The following TBC1D16 variants were observed in gnomAD, a reference collection of about 807,000 sequenced individuals.
TBC1D16 encodes the protein TBC1 domain family member 16.
A neutral mutation model predicts 74.7 loss-of-function variants in TBC1D16; 58 were observed. That is an observed-to-expected ratio of 0.78 (90% CI 0.63 to 0.97). The LOEUF (loss-of-function observed/expected upper bound fraction) is 0.97, where lower values mean the gene tolerates loss of function less well. TBC1D16 is among the 50% of genes least tolerant of loss of function. The pLI is 0.00. For missense variants in TBC1D16, 1,014 were observed against 1,079.5 expected, an observed-to-expected ratio of 0.94 and a Z score of 0.85; for synonymous variants, 493 against 474.7, an observed-to-expected ratio of 1.04 and a Z score of -0.50.
chr17:80,014,226 G>A (rs772972403), intron 1 of TBC1D16, among the ~76,000 whole-genome samples: 66 of 152,040 alleles, frequency 4.3e-4, no homozygotes, highest in African/African-American at 1.5e-3. Flanking sequence ...GTGCGGTGGC[G>A]GGCGCCTACA....
At position 79,961,691 on chromosome 17, in the gene TBC1D16, G is replaced by GT. The variant is rs2033621259; in HGVS notation, c.780-8874dup. Among the ~76,000 whole-genome samples the GT allele has an allele frequency of 6.6e-6, 1 of 152,022 alleles. No individual in the cohort carries two copies. Among genetic ancestry groups the GT allele is most frequent in the African/African-American group, 2.4e-5 (1 of 41,402 alleles). On this transcript the variant is annotated intron_variant, in intron 3 of 11. Coordinates refer to ENST00000310924, the MANE Select transcript of TBC1D16 (RefSeq NM_019020.4). This position sits in a 1 kb window ranked among gnomAD's most constrained non-coding sequence, Gnocchi z 4.8. ...AGTGTGACCAACATGGTGAAACACT[G>GT]TATCTACCAAAAATACAAAAAATCA...
rs1181583123 is a variant in TBC1D16, at chr17:79,994,138, G to C, written c.779+16022C>G. 6.6e-6 allele frequency among the ~76,000 whole-genome samples: 1 copy of C among 152,034 alleles called. No homozygotes were observed. The highest frequency in any genetic ancestry group is 2.4e-5 in the African/African-American group (1 of 41,382). On this transcript the variant is annotated intron_variant, in intron 3 of 11. Transcript: ENST00000310924. The surrounding 1 kb of genome is among the most constrained non-coding windows in gnomAD (Gnocchi z 4.6). ...TTACTAGAAAGGTCAGCTTTTTAAA[G>C]AGCTGTCAGTCCTTCGGAAGACAGT...
At chr17:79,960,798 A>C (rs978386428) in intron 3 of TBC1D16, among the ~76,000 whole-genome samples, 17 of 148,746 alleles carry the variant, frequency 1.1e-4, no homozygotes, top group African/African-American at 3.7e-4. Context: ...AAAAAAAAAA[A>C]AAAAAAAAAA....
rs8072294 is a variant in TBC1D16 at position 80,000,455 on chromosome 17, T to C, written c.779+9705A>G. Among the ~76,000 whole-genome samples the C allele has an allele frequency of 0.35, 53,523 of 152,022 alleles. 9,862 individuals carry two copies. Among genetic ancestry groups the C allele is most frequent in the African/African-American group, 0.43 (17,983 of 41,462 alleles). On this transcript the variant is annotated intron_variant, in intron 3 of 11. Coordinates refer to ENST00000310924, the MANE Select transcript of TBC1D16 (RefSeq NM_019020.4). The surrounding 1 kb of genome is among the most constrained non-coding windows in gnomAD (Gnocchi z 4.1). The stretch of plus-strand genomic sequence containing the variant: ...CAAGCCAAGGAATGCCTGCAGCCAC[T>C]CAAACCGGAAGAGACCAGGAAGGAC...
chr17:80,005,190 C>T (rs974031857), intron 3 of TBC1D16, among the ~76,000 whole-genome samples: 4 of 152,252 alleles, frequency 2.6e-5, no homozygotes, highest in Admixed American at 6.5e-5. Context: ...AGCAGTCCTC[C>T]TGCCTCAGCC....
Position 79,950,380 on chromosome 17 carries a change from G to T in TBC1D16, c.1257+31C>A. 1 of 1,567,610 alleles carries T rather than the reference G, an allele frequency of 6.4e-7. No homozygotes were observed. The stretch of plus-strand genomic sequence containing the variant: ...GTTCCCGGTTCCCGGCCGGCTCTCC[G>T]CGGGGCCAGCTGGGCGGACCCGGAC... On this transcript the variant is annotated intron_variant, in intron 6 of 11. Coordinates refer to ENST00000310924, the MANE Select transcript of TBC1D16 (RefSeq NM_019020.4). This position sits in a 1 kb window ranked among gnomAD's most constrained non-coding sequence, Gnocchi z 4.6.
chr17:79,951,197 A>C (rs1225961568), intron 5 of TBC1D16, among the ~76,000 whole-genome samples: 1 of 152,222 alleles, frequency 6.6e-6, no homozygotes, highest in Non-Finnish European at 1.5e-5. Context: ...TTGTACGTAG[A>C]TTGAGCAAAA....
Position 79,950,069 on chromosome 17 carries a change from C to G in TBC1D16, c.1258-204G>C, listed in dbSNP as rs1212646187. Among the ~76,000 whole-genome samples, 1 of 152,222 alleles carries G rather than the reference C, an allele frequency of 6.6e-6. No homozygotes were observed. Among genetic ancestry groups the G allele is most frequent in the Non-Finnish European group, 1.5e-5 (1 of 68,032 alleles). On this transcript the variant is annotated intron_variant, in intron 6 of 11. Coordinates refer to ENST00000310924, the MANE Select transcript of TBC1D16 (RefSeq NM_019020.4). This position sits in a 1 kb window ranked among gnomAD's most constrained non-coding sequence, Gnocchi z 4.6. ...GGCTCATTTCAATGTCAATGCCCCC[C>G]CTGGGGTGGCGCTCAGATTAACGTG...
At chr17:79,984,619 GTGAAGGAAGGAA>G (rs1459942734) in intron 3 of TBC1D16, among the ~76,000 whole-genome samples, 7 of 102,528 alleles carry the variant, frequency 6.8e-5, no homozygotes, top group South Asian at 3.4e-4. Context: ...GAGGGAGGGA[GTGAAGGAAGGAA>G]GGAAGGAAGG....
Position 79,985,236 on chromosome 17 carries a change from G to A in TBC1D16, c.779+24924C>T, listed in dbSNP as rs879227116. On this transcript the variant is annotated intron_variant, in intron 3 of 11. Transcript: ENST00000310924. The surrounding 1 kb of genome is among the most constrained non-coding windows in gnomAD (Gnocchi z 4.9). ...CTGCCCCTCCTGTGTCTGTGTGTCC[G>A]TCCGTGTCTTTTAAAGACATCCGTT... is the stretch of plus-strand genomic sequence containing the variant. Among the ~76,000 whole-genome samples the A allele has an allele frequency of 2.0e-5, 3 of 151,988 alleles. No individual in the cohort carries two copies. The highest frequency in any genetic ancestry group is 4.8e-5 in the African/African-American group (2 of 41,366).
chr17:79,963,317 CA>C (rs2033703673), intron 3 of TBC1D16, among the ~76,000 whole-genome samples: 1 of 152,100 alleles, frequency 6.6e-6, no homozygotes, highest in African/African-American at 2.4e-5. Context: ...CTACTCCTAG[CA>C]CCTAATCTCA....
chr17:80,015,153 G>C (rs2036041083), intron 1 of TBC1D16, among the ~76,000 whole-genome samples: 1 of 152,178 alleles, frequency 6.6e-6, no homozygotes, highest in Non-Finnish European at 1.5e-5. Flanking sequence ...GGCACAGCTG[G>C]GCACAATGAC....
intron 3 of TBC1D16, among the ~76,000 whole-genome samples, chr17:79,982,400 T>A (rs1488740060): frequency 6.6e-6 from 1 of 151,108 alleles, no homozygotes; most frequent in Non-Finnish European, 1.5e-5. Context: ...CACCTCAGCC[T>A]CCCAAAGTAG....
chr17:79,948,687 C>T (rs2032770639), intron 8 of TBC1D16, among the ~76,000 whole-genome samples, 185 bp downstream of exon 8: 1 of 152,134 alleles, frequency 6.6e-6, no homozygotes, highest in Non-Finnish European at 1.5e-5. Context: ...CCTGGGATGC[C>T]ATGGCTCTGA....
At position 79,936,677 on chromosome 17, in the gene TBC1D16, A is replaced by T. The variant is rs2031609903; in HGVS notation, c.*4182T>A. 1 of 152,220 alleles carries T rather than the reference A, an allele frequency of 6.6e-6. No homozygotes were observed. Among genetic ancestry groups the T allele is most frequent in the Non-Finnish European group, 1.5e-5 (1 of 68,162 alleles). 9.4% of individuals were successfully genotyped at this position (152,220 alleles called of 1,614,324 possible). On this transcript the variant is annotated 3_prime_UTR_variant, in exon 12 of 12. Transcript: ENST00000310924. ...AACCTTCGGGGGAAATTAGCTTTCT[A>T]GTTTGGGGGCGGTTCCCTCTGACTG...
chr17:79,984,560 A>AAGAAAGAAAGAG (rs141654166), intron 3 of TBC1D16, among the ~76,000 whole-genome samples: 1 of 132,582 alleles, frequency 7.5e-6, no homozygotes, highest in Non-Finnish European at 1.7e-5. Context: ...AAAAGAAAGA[A>AAGAAAGAAAGAG]AGAGAGAGAG....
Position 79,941,962 on chromosome 17 carries a change from G to A in TBC1D16, c.2055+98C>T, listed in dbSNP as rs1353120551. 138 of 1,158,878 alleles carry A rather than the reference G, an allele frequency of 1.2e-4. 1 individual carries two copies. In the East Asian group the frequency reaches 3.6e-3, roughly 30 times the overall value. 71.8% of individuals were successfully genotyped at this position (1,158,878 alleles called of 1,614,324 possible). The stretch of plus-strand genomic sequence containing the variant: ...GTGGGGATGGGGCTCTGGGGGCGGG[G>A]CCCACATCTGGGGCAGCCTCACCTT... On this transcript the variant is annotated intron_variant, in intron 11 of 11. Coordinates refer to ENST00000310924, the MANE Select transcript of TBC1D16 (RefSeq NM_019020.4). The surrounding 1 kb of genome is among the most constrained non-coding windows in gnomAD (Gnocchi z 4.3).
At position 80,001,837 on chromosome 17, in the gene TBC1D16, C is replaced by T. The variant is rs76692890; in HGVS notation, c.779+8323G>A. Among the ~76,000 whole-genome samples, 981 of 151,800 alleles carry T rather than the reference C, an allele frequency of 6.5e-3. 27 individuals carry two copies. In the East Asian group the frequency reaches 0.094, roughly 15 times the overall value. On this transcript the variant is annotated intron_variant, in intron 3 of 11. Transcript: ENST00000310924. This position sits in a 1 kb window ranked among gnomAD's most constrained non-coding sequence, Gnocchi z 5.8. ...CTTGCCCTGGACCCTCTCACATGCC[C>T]TTCCCTCCACCCCCCGCCTCCTGCT...
At chr17:79,945,191 G>A in intron 9 of TBC1D16, 104 bp from the exon 10 acceptor site, 1 of 1,278,214 alleles carries the variant, frequency 7.8e-7, no homozygotes, top group Non-Finnish European at 1.1e-6. Context: ...CCCCAGCCTG[G>A]AAAAGCACAC....
Sources: allele counts gnomAD v4.1 joint callset (sites outside exome capture counted in the v4.1 genomes callset), GRCh38; gene constraint gnomAD v4.1.1; non-coding constraint Gnocchi (gnomAD v3.1); transcripts MANE v1.5; gene names NCBI Gene and HGNC (gene_info 2026-07-23, HGNC 2026-07-21).